Variants in TRAPPC9 observed in about 807,000 individuals in gnomAD.
TRAPPC9 encodes trafficking protein particle complex subunit 9.
TRAPPC9 carries 83 observed loss-of-function variants against 124.0 expected under a neutral mutation model. That is an observed-to-expected ratio of 0.67 (90% CI 0.56 to 0.80). TRAPPC9 has a LOEUF of 0.80. Ranked by LOEUF, TRAPPC9 falls within the 30% of genes least tolerant of loss-of-function variation. TRAPPC9 has a pLI of 0.00. For missense variants in TRAPPC9, 1,302 were observed against 1,508.3 expected, an observed-to-expected ratio of 0.86 and a Z score of 2.27; for synonymous variants, 638 against 617.5, an observed-to-expected ratio of 1.03 and a Z score of -0.49.
chr8:140,442,595 CAAA>C (rs34248211), intron 2 of TRAPPC9, among the ~76,000 whole-genome samples: 27 of 118,934 alleles, frequency 2.3e-4, no homozygotes, highest in Admixed American at 3.4e-4. Context: ...GAGCCTCTGT[CAAA>C]AAAAAAAAAA....
intron 17 of TRAPPC9, among the ~76,000 whole-genome samples, chr8:140,146,806 T>C (rs1327764628): frequency 6.7e-6 from 1 of 149,908 alleles, no homozygotes; most frequent in African/African-American, 2.5e-5. Context: ...TCTGTCATTT[T>C]ATAAACTCTA....
chr8:140,239,106 T>C (rs1237475153), intron 16 of TRAPPC9, among the ~76,000 whole-genome samples: 1 of 152,102 alleles, frequency 6.6e-6, no homozygotes, highest in East Asian at 1.9e-4. Flanking sequence ...CAGCCTCCCT[T>C]TCTGTTTCAC....
intron 17 of TRAPPC9, among the ~76,000 whole-genome samples, chr8:140,142,073 T>G (rs1302953021): frequency 6.6e-6 from 1 of 152,182 alleles, no homozygotes; most frequent in Non-Finnish European, 1.5e-5. Context: ...TGCAGCAGCA[T>G]TCATGCTGGG....
chr8:140,337,087 G>A (rs2067063169), intron 9 of TRAPPC9, among the ~76,000 whole-genome samples: 2 of 152,178 alleles, frequency 1.3e-5, no homozygotes, highest in African/African-American at 4.8e-5. Context: ...CTGGCTGCAG[G>A]TGACCCAGGA....
chr8:139,863,481 G>A (rs1226238840), intron 21 of TRAPPC9, among the ~76,000 whole-genome samples: 4 of 152,218 alleles, frequency 2.6e-5, no homozygotes, highest in Non-Finnish European at 4.4e-5. Context: ...GCTGCCCCAG[G>A]CCTGTGGTGA....
At chr8:140,076,664 C>T (rs777204042) in intron 17 of TRAPPC9, among the ~76,000 whole-genome samples, 19 of 152,162 alleles carry the variant, frequency 1.2e-4, no homozygotes, top group Non-Finnish European at 2.2e-4. Context: ...AATACGATCA[C>T]GAAGATCGGC....
intron 21 of TRAPPC9, among the ~76,000 whole-genome samples, chr8:139,767,718 G>A (rs11997559): frequency 0.037 from 5,604 of 152,286 alleles, 393 homozygotes; most frequent in African/African-American, 0.13. Context: ...AAGAAGAAAC[G>A]CCAGCCACTG....
At chr8:140,002,847 A>C (rs1295235881) in intron 18 of TRAPPC9, among the ~76,000 whole-genome samples, 2 of 86,148 alleles carry the variant, frequency 2.3e-5, no homozygotes, top group African/African-American at 2.2e-4. Flanking sequence ...CACTTATCAA[A>C]AAAAAAAAAA....
intron 15 of TRAPPC9, among the ~76,000 whole-genome samples, chr8:140,258,890 T>A (rs2064332238): frequency 6.6e-6 from 1 of 152,174 alleles, no homozygotes; most frequent in South Asian, 2.1e-4. Context: ...AACCTCCCCG[T>A]GAACCGCCAA....
intron 18 of TRAPPC9, among the ~76,000 whole-genome samples, chr8:140,021,551 A>G (rs1372340472): frequency 1.3e-5 from 2 of 151,968 alleles, no homozygotes; most frequent in Non-Finnish European, 2.9e-5. Flanking sequence ...TAGGTTCATC[A>G]CTCCTTTATA....
chr8:140,332,010 A>T (rs971855171), intron 9 of TRAPPC9, among the ~76,000 whole-genome samples: 6 of 152,200 alleles, frequency 3.9e-5, no homozygotes, highest in African/African-American at 1.4e-4. Context: ...TGTCAAAGAG[A>T]TACCTGCACT....
intron 17 of TRAPPC9, among the ~76,000 whole-genome samples, chr8:140,131,607 C>T (rs1482498786): frequency 3.3e-5 from 5 of 152,292 alleles, no homozygotes; most frequent in African/African-American, 1.2e-4. Flanking sequence ...TAGACGGCCC[C>T]GTCCTAGACA....
chr8:140,011,731 G>A (rs946712275), intron 18 of TRAPPC9, among the ~76,000 whole-genome samples: 27 of 139,714 alleles, frequency 1.9e-4, no homozygotes, highest in Middle Eastern at 8.9e-3. Context: ...AGGCTGGAGT[G>A]CAATGGCACG....
At chr8:140,318,139 G>A (rs2131922569) in intron 9 of TRAPPC9, among the ~76,000 whole-genome samples, 1 of 152,254 alleles carries the variant, frequency 6.6e-6, no homozygotes, top group South Asian at 2.1e-4. Context: ...TGAAGTAAAT[G>A]TGTAAAAGTC....
intron 18 of TRAPPC9, among the ~76,000 whole-genome samples, chr8:139,991,610 A>G (rs1837652941): frequency 6.8e-6 from 1 of 147,982 alleles, no homozygotes; most frequent in Non-Finnish European, 1.5e-5. Flanking sequence ...TTCTGGACAC[A>G]TCTGTCTGAA....
intron 17 of TRAPPC9, among the ~76,000 whole-genome samples, chr8:140,202,323 T>C (rs1334701192): frequency 6.6e-6 from 1 of 152,110 alleles, no homozygotes; most frequent in Non-Finnish European, 1.5e-5. Context: ...GCATCCACCA[T>C]GATACTCAAA....
At chr8:139,958,487 T>C (rs1280779716) in intron 19 of TRAPPC9, among the ~76,000 whole-genome samples, 2 of 152,198 alleles carry the variant, frequency 1.3e-5, no homozygotes, top group African/African-American at 4.8e-5. Context: ...CGTCTGTGCC[T>C]GCTCTGCAGG....
chr8:140,260,309 T>C (rs1352356224), intron 15 of TRAPPC9, among the ~76,000 whole-genome samples: 1 of 152,190 alleles, frequency 6.6e-6, no homozygotes, highest in Admixed American at 6.5e-5. Flanking sequence ...AAGTGGGTTC[T>C]GAGCCAATGG....
At chr8:140,408,377 C>G (rs1406632185) in intron 5 of TRAPPC9, among the ~76,000 whole-genome samples, 3 of 152,144 alleles carry the variant, frequency 2.0e-5, no homozygotes, top group African/African-American at 4.8e-5. Context: ...AGGTACTGAG[C>G]TGCTACCACA....
Sources: allele counts gnomAD v4.1 joint callset (sites outside exome capture counted in the v4.1 genomes callset), GRCh38; gene constraint gnomAD v4.1.1; transcripts MANE v1.5; gene names NCBI Gene and HGNC (gene_info 2026-07-23, HGNC 2026-07-21).